The following USP42 variants were observed in gnomAD, a reference collection of about 807,000 sequenced individuals.
The protein encoded by USP42 is ubiquitin carboxyl-terminal hydrolase 42.
A neutral mutation model predicts 113.0 loss-of-function variants in USP42; 23 were observed. That is an observed-to-expected ratio of 0.20 (90% CI 0.15 to 0.29). The LOEUF is 0.29. Among genes scored for constraint, USP42 ranks in the 10% least tolerant of loss-of-function variants. USP42 has a pLI of 1.00. For missense variants in USP42, 2,174 were observed against 1,779.8 expected (o/e 1.22, Z -3.99); for synonymous variants, 933 against 699.0 (o/e 1.33, Z -5.28).
intron 3 of USP42, among the ~76,000 whole-genome samples, chr7:6,125,551 T>TC (rs1404489397): frequency 6.6e-6 from 1 of 152,200 alleles, no homozygotes; most frequent in African/African-American, 2.4e-5. Context: ...GGTAATATAC[T>TC]CCATCTTTCC....
At chr7:6,114,574 A>C (rs1022230722) in intron 2 of USP42, among the ~76,000 whole-genome samples, 1 of 144,612 alleles carries the variant, frequency 6.9e-6, no homozygotes, top group Non-Finnish European at 1.5e-5. Context: ...TTCAGTGTTC[A>C]TATTTCTCTG....
At chr7:6,115,187 C>T in intron 2 of USP42, 136 bp from the exon 3 acceptor site, 3 of 803,890 alleles carry the variant, frequency 3.7e-6, no homozygotes, top group Middle Eastern at 3.7e-4. Flanking sequence ...AAATGTCCCT[C>T]TTCCCCCTGT....
At chr7:6,140,312 A>G in intron 6 of USP42, 117 bp downstream of exon 6, 1 of 938,084 alleles carries the variant, frequency 1.1e-6, no homozygotes, top group Non-Finnish European at 1.6e-6. Context: ...TCCAGCCCAG[A>G]TTCTCATTCC....
chr7:6,147,807 G>T lies in USP42; in HGVS notation c.1301G>T (p.Arg434Leu). ...CATAGCCCCGGCCAGTCCTCTCCCC[G>T]CCCCGTCATCAGTCAGCGGGTTGTC... ...PTHSPGQSSP[R>L]PVISQRVVTN... The change falls in exon 12 of 18, where the codon CGC becomes CTC. Residue 434 changes from arginine (R) to leucine (L), a missense_variant. Arg to Leu is a moderately radical substitution (Grantham distance 102, BLOSUM62 -2). Transcript: ENST00000306177. The T allele has an allele frequency of 6.2e-7, 1 of 1,613,296 alleles. No homozygotes were observed. Among genetic ancestry groups the T allele is most frequent in the Admixed American group, 1.7e-5 (1 of 59,950 alleles).
chr7:6,156,886 AC>A lies in USP42; in HGVS notation c.3777del (p.Arg1260GlyfsTer68). ...DFVKDSELHL[P>X]RVTSLETVAQ... is the part of the protein sequence containing the mutation. ...TTGTTAAAGATTCAGAACTGCACTTACCCAGGGTCACCAGCTTGGAGACTGT... is the reference window on the plus strand; with the variant it reads ...TTGTTAAAGATTCAGAACTGCACTTACCAGGGTCACCAGCTTGGAGACTGT... On this transcript the variant is annotated frameshift_variant, in exon 16 of 18. Coordinates refer to ENST00000306177, the MANE Select transcript of USP42 (RefSeq NM_032172.3). LOFTEE classifies it high-confidence loss of function. 6.2e-7 allele frequency: 1 copy of A among 1,613,680 alleles called. No homozygotes were observed. The highest frequency in any genetic ancestry group is 8.5e-7 in the Non-Finnish European group (1 of 1,179,808).
rs1327795130 is a variant in USP42, at chr7:6,157,916, C to A, written c.3943+861C>A. On this transcript the variant is annotated intron_variant, in intron 16 of 17. Transcript: ENST00000306177. This position sits in a 1 kb window ranked among gnomAD's most constrained non-coding sequence, Gnocchi z 4.1. ...TCTTACTGCACTTGAGGCAGCCCCC[C>A]ACTTCCTCTCCCGTTGGTGTCCGGT... Among the ~76,000 whole-genome samples the A allele has an allele frequency of 6.6e-6, 1 of 152,156 alleles. No individual in the cohort carries two copies. Among genetic ancestry groups the A allele is most frequent in the Admixed American group, 6.5e-5 (1 of 15,274 alleles).
At chr7:6,108,786 T>TA (rs958411451) in intron 1 of USP42, among the ~76,000 whole-genome samples, 48 of 151,418 alleles carry the variant, frequency 3.2e-4, no homozygotes, top group South Asian at 6.3e-4. Flanking sequence ...GCCTCAATAT[T>TA]AAAAAAAAAA....
intron 3 of USP42, among the ~76,000 whole-genome samples, chr7:6,133,891 C>CTTT (rs386409441): frequency 4.7e-5 from 6 of 129,026 alleles, no homozygotes; most frequent in South Asian, 2.5e-4. Flanking sequence ...GTTTCTTCTT[C>CTTT]TTTTTTTTTT....
intron 12 of USP42, among the ~76,000 whole-genome samples, chr7:6,148,166 C>T (rs929852532): frequency 3.9e-5 from 6 of 152,046 alleles, no homozygotes; most frequent in Admixed American, 6.6e-5. Flanking sequence ...GGTGAAACCC[C>T]GTCTCCACAA....
intron 1 of USP42, among the ~76,000 whole-genome samples, chr7:6,106,264 G>A (rs1298691339): frequency 1.3e-5 from 2 of 152,114 alleles, no homozygotes; most frequent in African/African-American, 2.4e-5. Context: ...AAGCGTGTGT[G>A]TTTTCTCTTA....
intron 3 of USP42, among the ~76,000 whole-genome samples, chr7:6,123,588 G>A (rs147970415): frequency 0.13 from 20,380 of 152,018 alleles, 1,555 homozygotes; most frequent in African/African-American, 0.2. Flanking sequence ...CATAAACCCC[G>A]GGAGGCAGAG....
At chr7:6,121,590 T>G (rs1160709242) in intron 3 of USP42, among the ~76,000 whole-genome samples, 1 of 152,226 alleles carries the variant, frequency 6.6e-6, no homozygotes, top group African/African-American at 2.4e-5. Flanking sequence ...CTTTAAATGT[T>G]TGCTAGATTT....
At chr7:6,112,681 G>A (rs1177310476) in intron 2 of USP42, among the ~76,000 whole-genome samples, 1 of 152,080 alleles carries the variant, frequency 6.6e-6, no homozygotes, top group Non-Finnish European at 1.5e-5. Context: ...AGCTTTGAAT[G>A]CAGCCCAACA....
rs888187308 is a variant in USP42 at position 6,139,522 on chromosome 7, A to G, written c.656+328A>G. 1.4e-5 allele frequency: 3 copies of G among 219,442 alleles called. No homozygotes were observed. Among genetic ancestry groups the G allele is most frequent in the African/African-American group, 4.6e-5 (2 of 43,134 alleles). 13.6% of individuals were successfully genotyped at this position (219,442 alleles called of 1,614,324 possible). On this transcript the variant is annotated intron_variant, in intron 5 of 17. Coordinates refer to ENST00000306177, the MANE Select transcript of USP42 (RefSeq NM_032172.3). The surrounding 1 kb of genome is among the most constrained non-coding windows in gnomAD (Gnocchi z 4.5). ...CTTCTCCTTTCTAGTTGTGCCTGAC[A>G]TTTTCTTTTCTCTGCTGCCCTCCAG...
intron 12 of USP42, among the ~76,000 whole-genome samples, chr7:6,149,247 C>T (rs1017865092): frequency 1.3e-5 from 2 of 152,094 alleles, no homozygotes; most frequent in Non-Finnish European, 2.9e-5. Context: ...CAGCGAGCTC[C>T]CAGGAAACCC....
At chr7:6,148,616 G>A (rs990857124) in intron 12 of USP42, among the ~76,000 whole-genome samples, 44 of 152,292 alleles carry the variant, frequency 2.9e-4, no homozygotes, top group African/African-American at 1.1e-3. Context: ...ACTCCCTGTT[G>A]GTCCTGTCGG....
rs188122562 is a variant in USP42 at position 6,153,351 on chromosome 7, C to G, written c.2202-405C>G. Among the ~76,000 whole-genome samples, 3 of 150,570 alleles carry G rather than the reference C, an allele frequency of 2.0e-5. No homozygotes were observed. In the East Asian group the frequency reaches 5.9e-4, roughly 29 times the overall value. The stretch of plus-strand genomic sequence containing the variant: ...GAAGAACTAGAGGGATATCCAGAAA[C>G]AGGAAGAGCCTAGAACTCTAGGATT... On this transcript the variant is annotated intron_variant, in intron 14 of 17. Coordinates refer to ENST00000306177, the MANE Select transcript of USP42 (RefSeq NM_032172.3).
In USP42 at chr7:6,158,656, G is replaced by T. The variant is rs1433203113; in HGVS notation, c.3944-794G>T. On this transcript the variant is annotated intron_variant, in intron 16 of 17. Coordinates refer to ENST00000306177, the MANE Select transcript of USP42 (RefSeq NM_032172.3). The surrounding 1 kb of genome is among the most constrained non-coding windows in gnomAD (Gnocchi z 4.2). ...GACAGGCACCAGCACTGCCGGTGAGGACGGGTTGCCTGCGGGCCTTGTAGA... is the reference window on the plus strand; with the variant it reads ...GACAGGCACCAGCACTGCCGGTGAGTACGGGTTGCCTGCGGGCCTTGTAGA... Among the ~76,000 whole-genome samples, 1 of 152,230 alleles carries T rather than the reference G, an allele frequency of 6.6e-6. No individual in the cohort carries two copies. The highest frequency in any genetic ancestry group is 1.5e-5 in the Non-Finnish European group (1 of 68,046).
chr7:6,139,313 CT>C lies in USP42; in HGVS notation c.656+123del. 6.5e-6 allele frequency: 5 copies of C among 766,488 alleles called. No individual in the cohort carries two copies. Among genetic ancestry groups the C allele is most frequent in the Non-Finnish European group, 5.9e-6 (3 of 508,488 alleles). 47.5% of individuals were successfully genotyped at this position (766,488 alleles called of 1,614,324 possible). On this transcript the variant is annotated intron_variant, in intron 5 of 17. Transcript: ENST00000306177. This position sits in a 1 kb window ranked among gnomAD's most constrained non-coding sequence, Gnocchi z 4.5. ...GCACACAGAACAGTGTTCACTTTAC[CT>C]TTTGGCTTTGCTCTGCCTCTTCCTT...
Sources: gnomAD v4.1 joint callset for allele counts (sites outside exome capture counted in the v4.1 genomes callset) on GRCh38, gnomAD v4.1.1 for gene constraint, Gnocchi (gnomAD v3.1) non-coding constraint, MANE v1.5 for transcripts, NCBI Gene and HGNC (gene_info 2026-07-23, HGNC 2026-07-21) for gene names.